The following REXO4 variants were observed in gnomAD, a reference collection of about 807,000 sequenced individuals.
The protein encoded by REXO4 is REX4 homolog, 3'-5' exonuclease.
Under a neutral mutation model 39.9 loss-of-function variants are expected in REXO4, and 29 were observed. That is an observed-to-expected ratio of 0.73 (90% CI 0.54 to 0.99). The LOEUF (loss-of-function observed/expected upper bound fraction) is 0.99, where lower values mean the gene tolerates loss of function less well. REXO4 is among the 50% of genes least tolerant of loss of function. REXO4 has a pLI of 0.00. For synonymous variants in REXO4, 184 were observed against 206.2 expected (o/e 0.89, Z 0.92); for missense variants, 524 against 546.5 (o/e 0.96, Z 0.41).
At chr9:133,410,673 G>A (rs993167467) in intron 5 of REXO4, among the ~76,000 whole-genome samples, 1 of 152,236 alleles carries the variant, frequency 6.6e-6, no homozygotes. Flanking sequence ...CCTGGTCACG[G>A]ATGGGACAAC....
chr9:133,417,816 T>C lies in REXO4; in HGVS notation c.29A>G (p.Lys10Arg). The C allele has an allele frequency of 1.2e-6, 2 of 1,604,694 alleles. No individual in the cohort carries two copies. Among genetic ancestry groups the C allele is most frequent in the Middle Eastern group, 1.8e-4 (1 of 5,608 alleles). Residue 10 changes from lysine to arginine, a missense_variant, in exon 1 of 8, where the codon AAG becomes AGG. Lys to Arg is a conservative substitution (Grantham distance 26). Transcript: ENST00000371942. The stretch of plus-strand genomic sequence containing the variant: ...AGCCACGGGGCTGCTCGGGGCGCGC[T>C]TGGAGGCGGGGACCTTCGCCTTCCC... MGKAKVPAS[K>R]RAPSSPVAKP...
chr9:133,415,065 C>T, intron 1 of REXO4, 54 bp from the exon 2 acceptor site: 2 of 1,482,352 alleles, frequency 1.3e-6, no homozygotes, highest in Non-Finnish European at 1.8e-6. Context: ...TTACACACAG[C>T]AGATTGAAAA....
intron 1 of REXO4, 134 bp downstream of exon 1, chr9:133,417,486 G>C: frequency 1.1e-6 from 1 of 907,062 alleles, no homozygotes; most frequent in Non-Finnish European, 1.7e-6. Context: ...CACCTTTCTT[G>C]TGAAAAGCTG....
At chr9:133,408,904 T>G in intron 5 of REXO4, 62 bp from the exon 6 acceptor site, 1 of 862,408 alleles carries the variant, frequency 1.2e-6, no homozygotes, top group Non-Finnish European at 1.8e-6. Flanking sequence ...CAGAACCCCC[T>G]CCCCCCGCCA....
chr9:133,409,678 C>T lies in REXO4; in HGVS notation c.1000-836G>A, dbSNP rs998311125. 3.9e-5 allele frequency among the ~76,000 whole-genome samples: 6 copies of T among 152,260 alleles called. No homozygotes were observed. In the East Asian group the frequency reaches 1.2e-3, roughly 29 times the overall value. ...CTGGGCTCAACTGATCCTCCTACCC[C>T]AGTCTCCTGAGTAGCTGGGACAACA... On this transcript the variant is annotated intron_variant, in intron 5 of 7. Coordinates refer to ENST00000371942, the MANE Select transcript of REXO4 (RefSeq NM_020385.4).
chr9:133,417,402 G>C (rs587623131), intron 1 of REXO4, among the ~76,000 whole-genome samples: 1 of 152,370 alleles, frequency 6.6e-6, no homozygotes, highest in Admixed American at 6.5e-5. Context: ...GTTTATCTTT[G>C]CTTTTTTGTA....
chr9:133,414,958 C>T lies in REXO4; in HGVS notation c.279G>A (p.Gln93=). Residue 93 remains glutamine (Q), a synonymous_variant, in exon 2 of 8, where the codon CAG becomes CAA. Coordinates refer to ENST00000371942, the MANE Select transcript of REXO4 (RefSeq NM_020385.4). ...TTTTGGGCTTCTTTTTGGAACCCAT[C>T]TGAGAGATGACAAGAGGCTTTTCTG... ...QAPEKPLVIS[Q]MGSKKKPKII... 1 of 1,609,344 alleles carries T rather than the reference C, an allele frequency of 6.2e-7. No individual in the cohort carries two copies.
At chr9:133,407,768 G>T in intron 7 of REXO4, 39 bp downstream of exon 7, 1 of 1,573,598 alleles carries the variant, frequency 6.4e-7, no homozygotes, top group Non-Finnish European at 8.7e-7. Flanking sequence ...GTGGGAAACC[G>T]CCCCAAACCC....
At chr9:133,414,159 TC>T (rs1839409031) in intron 2 of REXO4, among the ~76,000 whole-genome samples, 1 of 152,120 alleles carries the variant, frequency 6.6e-6, no homozygotes, top group Non-Finnish European at 1.5e-5. Context: ...AGCCTCAACC[TC>T]CTGGGATCAA....
At chr9:133,410,017 G>C (rs4962143) in intron 5 of REXO4, among the ~76,000 whole-genome samples, 14 of 152,044 alleles carry the variant, frequency 9.2e-5, no homozygotes, top group Admixed American at 2.6e-4. Context: ...GACACTGCCC[G>C]GGGGGTTCTC....
rs587680355 is a variant in REXO4 at position 133,406,797 on chromosome 9, G to A, written c.*156C>T. On this transcript the variant is annotated 3_prime_UTR_variant, in exon 8 of 8. Coordinates refer to ENST00000371942, the MANE Select transcript of REXO4 (RefSeq NM_020385.4). ...CAGGTTTCAGACCACAAAGTCAAGA[G>A]GAAGGAGGACCTTCTCAGTAGCACC... 1.1e-5 allele frequency: 12 copies of A among 1,094,624 alleles called. No homozygotes were observed. In the Admixed American group the frequency reaches 1.5e-4, roughly 14 times the overall value. 67.8% of individuals were successfully genotyped at this position (1,094,624 alleles called of 1,614,324 possible). A position where few individuals can be genotyped will look rare whatever the true frequency, so the allele number is the denominator to read the frequency against.
chr9:133,408,934 TTG>T (rs71503345), intron 5 of REXO4, 92 bp from the exon 6 acceptor site: 24,273 of 313,572 alleles, frequency 0.077, 1,044 homozygotes, highest in Admixed American at 0.094. Flanking sequence ...AGTAACATCT[TTG>T]TGTGTGTGTG....
intron 1 of REXO4, among the ~76,000 whole-genome samples, chr9:133,416,500 A>C (rs1839608878): frequency 1.3e-5 from 2 of 152,010 alleles, no homozygotes; most frequent in South Asian, 4.2e-4. Flanking sequence ...CGTGTGGGCT[A>C]CTCGGGAGGC....
At chr9:133,407,954 A>AGCG in intron 6 of REXO4, 73 bp from the exon 7 acceptor site, 1 of 1,231,056 alleles carries the variant, frequency 8.1e-7, no homozygotes, top group South Asian at 1.3e-5. Context: ...CCAAGCAGGG[A>AGCG]GCGGTTGGCT....
intron 1 of REXO4, among the ~76,000 whole-genome samples, chr9:133,415,346 C>G (rs1554781337): frequency 6.6e-6 from 1 of 152,010 alleles, no homozygotes; most frequent in East Asian, 1.9e-4. Flanking sequence ...TTCAGCTTAT[C>G]TAGAAAGAAT....
At chr9:133,416,792 A>C (rs1554781669) in intron 1 of REXO4, among the ~76,000 whole-genome samples, 1 of 152,212 alleles carries the variant, frequency 6.6e-6, no homozygotes. Context: ...TCATCTGTAC[A>C]ATAGCGATGA....
rs1839184354 is a variant in REXO4, at chr9:133,411,046, TC to T, written c.937del (p.Glu313LysfsTer6). ...TCTGCCCTTCAGCATCTCTGCCACT[TC>T]CTTCTGAACAACTTCAAGCTCTTCT... ...QGEELEVVQK[E>X]VAEMLKGRIL... is the part of the protein sequence containing the mutation. On this transcript the variant is annotated frameshift_variant, in exon 5 of 8. Coordinates refer to ENST00000371942, the MANE Select transcript of REXO4 (RefSeq NM_020385.4). LOFTEE classifies it high-confidence loss of function. 2 of 1,614,044 alleles carry T rather than the reference TC, an allele frequency of 1.2e-6. No homozygotes were observed. The highest frequency in any genetic ancestry group is 2.7e-5 in the African/African-American group (2 of 74,920).
chr9:133,416,569 A>T (rs1021552859), intron 1 of REXO4, among the ~76,000 whole-genome samples: 11 of 152,216 alleles, frequency 7.2e-5, no homozygotes, highest in Admixed American at 5.2e-4. Context: ...AACAGGAGGT[A>T]GCTCCAAGGG....
Position 133,412,314 on chromosome 9 carries a change from C to G in REXO4, c.895G>C (p.Glu299Gln). The G allele has an allele frequency of 6.2e-7, 1 of 1,613,874 alleles. No individual in the cohort carries two copies. Among genetic ancestry groups the G allele is most frequent in the East Asian group, 2.2e-5 (1 of 44,868 alleles). ...YRTAVSGIRPENLKQGEELEV... is the reference protein window; with the variant it reads ...YRTAVSGIRPQNLKQGEELEV... ...GATGACATACCCTGCTTGAGGTTCT[C>G]AGGCCGAATCCCACTGACCGCTGTC... Residue 299 changes from glutamate (E) to glutamine (Q), a missense_variant, in exon 4 of 8, where the codon GAG becomes CAG. Transcript: ENST00000371942.
Sources: allele counts gnomAD v4.1 joint callset (sites outside exome capture counted in the v4.1 genomes callset), GRCh38; gene constraint gnomAD v4.1.1; transcripts MANE v1.5; gene names NCBI Gene and HGNC (gene_info 2026-07-23, HGNC 2026-07-21).